CCN3: variants seen among roughly 807,000 people sequenced by gnomAD.
CCN3 encodes the protein cellular communication network factor 3.
Under a neutral mutation model 33.4 loss-of-function variants are expected in CCN3, and 20 were observed. That is an observed-to-expected ratio of 0.60 (90% CI 0.42 to 0.87). The LOEUF is 0.87. Ranked by LOEUF, CCN3 falls within the 40% of genes least tolerant of loss-of-function variation. The pLI is 0.00. For missense variants in CCN3, 465 were observed against 455.3 expected (o/e 1.02, Z -0.19); for synonymous variants, 205 against 170.4 (o/e 1.20, Z -1.58).
At chr8:119,418,521 A>G (rs1046722468) in intron 3 of CCN3, among the ~76,000 whole-genome samples, 9 of 152,200 alleles carry the variant, frequency 5.9e-5, no homozygotes, top group African/African-American at 2.2e-4. Context: ...AGGTTGCTGC[A>G]ATTTCTCCTG....
Position 119,416,901 on chromosome 8 carries a change from G to A in CCN3, c.242G>A (p.Cys81Tyr), listed in dbSNP as rs1334707920. 1 of 1,613,986 alleles carries A rather than the reference G, an allele frequency of 6.2e-7. No homozygotes were observed. Among genetic ancestry groups the A allele is most frequent in the Admixed American group, 1.7e-5 (1 of 60,022 alleles). The change falls in exon 2 of 5, where the codon TGC becomes TAC. Residue 81 changes from cysteine to tyrosine, a missense_variant. Cys to Tyr is a radical substitution (Grantham distance 194). Transcript: ENST00000259526. ...GAGAGCTGCTCAGATCTGGAGCCAT[G>A]CGACGAGAGCAGTGGCCTCTACTGT... ...RGESCSDLEPCDESSGLYCDR... is the reference protein window; with the variant it reads ...RGESCSDLEPYDESSGLYCDR...
chr8:119,422,411 G>A (rs970172375), intron 4 of CCN3, among the ~76,000 whole-genome samples: 1 of 152,134 alleles, frequency 6.6e-6, no homozygotes, highest in African/African-American at 2.4e-5. Context: ...AAATCCATTT[G>A]GCTAAAAATG....
chr8:119,419,121 C>A lies in CCN3; in HGVS notation c.563-10C>A. 1.9e-6 allele frequency: 3 copies of A among 1,607,166 alleles called. No individual in the cohort carries two copies. Among genetic ancestry groups the A allele is most frequent in the Middle Eastern group, 1.7e-4 (1 of 6,048 alleles). On this transcript the variant is annotated splice_polypyrimidine_tract_variant and intron_variant, in intron 3 of 4. Coordinates refer to ENST00000259526, the MANE Select transcript of CCN3 (RefSeq NM_002514.4). ...CCTAATATGGCTGTCTTTATTTATA[C>A]ATCCCATAGCTTACAGGCCAGAAGC... is the stretch of plus-strand genomic sequence containing the variant.
chr8:119,419,456 G>A (rs1008888614), intron 4 of CCN3, 111 bp downstream of exon 4: 16 of 1,084,996 alleles, frequency 1.5e-5, no homozygotes, highest in Admixed American at 6.8e-5. Context: ...CAGCTATAGC[G>A]GGGAGTTAAC....
intron 4 of CCN3, 44 bp from the exon 5 acceptor site, chr8:119,422,792 G>A: frequency 6.7e-7 from 1 of 1,485,092 alleles, no homozygotes; most frequent in Non-Finnish European, 9.2e-7. Context: ...GTCCCTCAGG[G>A]GAATGGTAGC....
chr8:119,420,101 C>T (rs1352678695), intron 4 of CCN3: 1 of 152,080 alleles, frequency 6.6e-6, no homozygotes, highest in Non-Finnish European at 1.5e-5. Flanking sequence ...CTTATACAAA[C>T]CTAAGACTAA....
rs749210974 is a variant in CCN3, at chr8:119,416,912, A to G, written c.253A>G (p.Ser85Gly). The G allele has an allele frequency of 6.2e-6, 10 of 1,614,048 alleles. No individual in the cohort carries two copies. The South Asian group carries it at 8.8e-5, about 14-fold the overall frequency. The change falls in exon 2 of 5, where the codon AGT (serine) becomes GGT (glycine). Residue 85 changes from serine (S) to glycine (G), a missense_variant. Transcript: ENST00000259526. ...CSDLEPCDES[S>G]GLYCDRSADP... The stretch of plus-strand genomic sequence containing the variant: ...AGATCTGGAGCCATGCGACGAGAGC[A>G]GTGGCCTCTACTGTGATCGCAGCGC...
At chr8:119,422,668 C>G (rs1475708563) in intron 4 of CCN3, among the ~76,000 whole-genome samples, 168 bp from the exon 5 acceptor site, 1 of 152,166 alleles carries the variant, frequency 6.6e-6, no homozygotes. Context: ...TCTGTGGAAG[C>G]AAATACTTTT....
chr8:119,421,954 A>C (rs79531671), intron 4 of CCN3, among the ~76,000 whole-genome samples: 27,903 of 152,180 alleles, frequency 0.18, 2,750 homozygotes, highest in Non-Finnish European at 0.22. Context: ...CAGATTTATA[A>C]ACATTCTTTT....
intron 2 of CCN3, 136 bp from the exon 3 acceptor site, chr8:119,417,922 A>G (rs1355256247): frequency 2.4e-6 from 2 of 841,152 alleles, no homozygotes; most frequent in Admixed American, 4.6e-5. Flanking sequence ...ATACATGAGA[A>G]ACCAGATCGC....
chr8:119,420,979 T>A (rs1006385001), intron 4 of CCN3, among the ~76,000 whole-genome samples: 5 of 149,864 alleles, frequency 3.3e-5, no homozygotes, highest in Non-Finnish European at 7.4e-5. Context: ...CTTCCTTGTC[T>A]CCAAGAGATT....
chr8:119,416,574 G>A lies in CCN3; in HGVS notation c.42G>A (p.Gln14=), dbSNP rs1820049755. The change falls in exon 1 of 5, where the codon CAG becomes CAA. Residue 14 remains glutamine, a synonymous_variant. Coordinates refer to ENST00000259526, the MANE Select transcript of CCN3 (RefSeq NM_002514.4). ...VQSTSFCLRK[Q]CLCLTFLLLH... ...GCACGAGCTTTTGTCTCCGAAAGCA[G>A]TGCCTTTGCCTGACCTTCCTGCTTC... 2 of 1,613,962 alleles carry A rather than the reference G, an allele frequency of 1.2e-6. No individual in the cohort carries two copies. The highest frequency in any genetic ancestry group is 2.7e-5 in the African/African-American group (2 of 74,944).
chr8:119,420,459 T>C (rs984263082), intron 4 of CCN3, among the ~76,000 whole-genome samples: 1 of 152,244 alleles, frequency 6.6e-6, no homozygotes, highest in African/African-American at 2.4e-5. Flanking sequence ...GCATTAGTTA[T>C]ATGGCTGCTT....
intron 3 of CCN3, among the ~76,000 whole-genome samples, chr8:119,418,568 T>G (rs1046621107): frequency 1.3e-5 from 2 of 152,264 alleles, no homozygotes; most frequent in Non-Finnish European, 2.9e-5. Flanking sequence ...TGTCTTATTT[T>G]TGTCTTATTG....
chr8:119,419,301 A>G lies in CCN3; in HGVS notation c.733A>G (p.Met245Val), dbSNP rs760642696. 14 of 1,614,046 alleles carry G rather than the reference A, an allele frequency of 8.7e-6. No individual in the cohort carries two copies. Among genetic ancestry groups the G allele is most frequent in the Non-Finnish European group, 1.2e-5 (14 of 1,180,048 alleles). ...GATGCTGAAACAGACTCGGCTCTGCATGGTGCGGCCCTGTGAACAAGAGCC... is the reference window on the plus strand; with the variant it reads ...GATGCTGAAACAGACTCGGCTCTGCGTGGTGCGGCCCTGTGAACAAGAGCC... ...CEMLKQTRLC[M>V]VRPCEQEPEQ... Residue 245 changes from methionine (M) to valine (V), a missense_variant, in exon 4 of 5, where the codon ATG becomes GTG. Coordinates refer to ENST00000259526, the MANE Select transcript of CCN3 (RefSeq NM_002514.4).
rs1380731536 is a variant in CCN3 at position 119,422,992 on chromosome 8, G to A, written c.934G>A (p.Glu312Lys). 1 of 1,614,180 alleles carries A rather than the reference G, an allele frequency of 6.2e-7. No individual in the cohort carries two copies. The highest frequency in any genetic ancestry group is 2.2e-5 in the East Asian group (1 of 44,880). ...CCACAATACCAAAACCATCCAGGCA[G>A]AGTTTCAGTGCTCCCCAGGGCAAAT... ...TPHNTKTIQAEFQCSPGQIVK... is the reference protein window; with the variant it reads ...TPHNTKTIQAKFQCSPGQIVK... Residue 312 changes from glutamate to lysine, a missense_variant, in exon 5 of 5, where the codon GAG (glutamate) becomes AAG (lysine). Coordinates refer to ENST00000259526, the MANE Select transcript of CCN3 (RefSeq NM_002514.4).
rs746617897 is a variant in CCN3 at position 119,416,785 on chromosome 8, G to T, written c.126G>T (p.Arg42=). 6.3e-7 allele frequency: 1 copy of T among 1,598,636 alleles called. No homozygotes were observed. ...GCTGCCCTCCCCAGTGCCCGGGCCG[G>T]TGCCCTGCGACGCCGCCGACCTGCG... ...TQRCPPQCPG[R]CPATPPTCAP... Residue 42 remains arginine (R), a synonymous_variant, in exon 2 of 5, where the codon CGG becomes CGT. Transcript: ENST00000259526.
Position 119,416,467 on chromosome 8 carries a change from G to T in CCN3, c.-66G>T, listed in dbSNP as rs959889719. The T allele has an allele frequency of 6.8e-7, 1 of 1,479,752 alleles. No individual in the cohort carries two copies. Among genetic ancestry groups the T allele is most frequent in the African/African-American group, 1.4e-5 (1 of 72,686 alleles). 91.7% of individuals were successfully genotyped at this position (1,479,752 alleles called of 1,614,324 possible). A position where few individuals can be genotyped will look rare whatever the true frequency, so the allele number is the denominator to read the frequency against. On this transcript the variant is annotated 5_prime_UTR_variant, in exon 1 of 5. Coordinates refer to ENST00000259526, the MANE Select transcript of CCN3 (RefSeq NM_002514.4). ...CGGCAAGCACCGGACCAGGGGGAAGGCGAGCAGTGCCAATCTACAGCGAAG... is the reference window on the plus strand; with the variant it reads ...CGGCAAGCACCGGACCAGGGGGAAGTCGAGCAGTGCCAATCTACAGCGAAG...
At chr8:119,422,166 G>T (rs996711159) in intron 4 of CCN3, among the ~76,000 whole-genome samples, 2 of 152,062 alleles carry the variant, frequency 1.3e-5, no homozygotes, top group African/African-American at 4.8e-5. Flanking sequence ...CAGAGAGAGA[G>T]AGAGAAAGAG....
Sources: allele counts gnomAD v4.1 joint callset (sites outside exome capture counted in the v4.1 genomes callset), GRCh38; gene constraint gnomAD v4.1.1; transcripts MANE v1.5; gene names NCBI Gene and HGNC (gene_info 2026-07-23, HGNC 2026-07-21).